Variants in PRSS12 observed in about 807,000 individuals in gnomAD.
PRSS12 encodes serine protease 12.
PRSS12 carries 85 observed loss-of-function variants against 104.4 expected under a neutral mutation model. That is an observed-to-expected ratio of 0.81 (90% confidence interval 0.68 to 0.98). The LOEUF (loss-of-function observed/expected upper bound fraction) is 0.98. Ranked by LOEUF, PRSS12 falls within the 50% of genes least tolerant of loss-of-function variation. PRSS12 has a pLI of 0.00. For synonymous variants in PRSS12, 454 were observed against 425.2 expected (o/e 1.07, Z -0.83); for missense variants, 1,141 against 1,139.2 (o/e 1.00, Z -0.02).
intron 9 of PRSS12, among the ~76,000 whole-genome samples, chr4:118,298,205 T>A (rs1195116710): frequency 6.6e-6 from 1 of 151,962 alleles, no homozygotes; most frequent in African/African-American, 2.4e-5. Flanking sequence ...ATTTAAAGTA[T>A]GAAACATTAC....
intron 10 of PRSS12, 85 bp downstream of exon 10, chr4:118,295,693 T>C: frequency 8.0e-7 from 1 of 1,246,254 alleles, no homozygotes; most frequent in Non-Finnish European, 1.2e-6. Context: ...AAGTCCCTTA[T>C]ATAACAGAAC....
At chr4:118,344,064 T>C (rs1724288489) in intron 1 of PRSS12, among the ~76,000 whole-genome samples, 1 of 152,196 alleles carries the variant, frequency 6.6e-6, no homozygotes, top group Non-Finnish European at 1.5e-5. Context: ...AAAGAATGCA[T>C]ACTGGCAACA....
At position 118,352,879 on chromosome 4, in the gene PRSS12, C is replaced by T; in HGVS notation, c.-159G>A. Reference sequence around the variant, plus strand: ...CCCTCGCCTCCCCAACCTTGCCTCCCGCCGCTGGTGCCCTGCCGCGCCTCG... The same window carrying T: ...CCCTCGCCTCCCCAACCTTGCCTCCTGCCGCTGGTGCCCTGCCGCGCCTCG... On this transcript the variant is annotated 5_prime_UTR_variant, in exon 1 of 13. Transcript: ENST00000296498. 7.0e-7 allele frequency: 1 copy of T among 1,421,942 alleles called. No homozygotes were observed. Among genetic ancestry groups the T allele is most frequent in the Non-Finnish European group, 9.2e-7 (1 of 1,090,726 alleles). The allele number at this position is 1,421,942 out of a possible 1,614,324, so 88.1% of individuals were successfully genotyped here. A position where few individuals can be genotyped will look rare whatever the true frequency, so the allele number is the denominator to read the frequency against.
chr4:118,291,779 T>G lies in PRSS12; in HGVS notation c.2039+3160A>C, dbSNP rs1051962089. Among the ~76,000 whole-genome samples the G allele has an allele frequency of 4.4e-4, 67 of 152,160 alleles. 1 individual carries two copies. Among genetic ancestry groups the G allele is most frequent in the African/African-American group, 1.6e-3 (67 of 41,454 alleles). On this transcript the variant is annotated intron_variant, in intron 11 of 12. Transcript: ENST00000296498. ...TCGTCAGTGCTACCCAAGACTGAAT[T>G]AATTTCATGGGCAACCATATTGTAT...
At chr4:118,282,291 A>C in intron 12 of PRSS12, 48 bp from the exon 13 acceptor site, 1 of 1,601,984 alleles carries the variant, frequency 6.2e-7, no homozygotes, top group Non-Finnish European at 8.6e-7. Flanking sequence ...TAACCATCGC[A>C]ACATTTAACA....
intron 4 of PRSS12, among the ~76,000 whole-genome samples, chr4:118,324,729 T>C (rs971869780): frequency 1.3e-5 from 2 of 152,192 alleles, no homozygotes; most frequent in Non-Finnish European, 2.9e-5. Context: ...TTGCTTTTGT[T>C]TTTTGAAGAC....
intron 7 of PRSS12, among the ~76,000 whole-genome samples, chr4:118,311,748 C>T (rs754051736): frequency 1.3e-5 from 2 of 152,066 alleles, no homozygotes; most frequent in African/African-American, 4.8e-5. Flanking sequence ...AAAAATACAT[C>T]TAGAGTCCTA....
intron 7 of PRSS12, among the ~76,000 whole-genome samples, chr4:118,310,283 A>G (rs890105928): frequency 5.9e-5 from 9 of 152,170 alleles, no homozygotes; most frequent in Non-Finnish European, 1.0e-4. Context: ...AAACATTTGC[A>G]CATGAAATTA....
At chr4:118,352,143 G>A (rs1317167926) in intron 1 of PRSS12, 76 bp downstream of exon 1, 3 of 1,579,452 alleles carry the variant, frequency 1.9e-6, no homozygotes, top group Non-Finnish European at 2.6e-6. Context: ...TTTTCCAAGA[G>A]ACCTGTACGC....
Position 118,352,764 on chromosome 4 carries a change from G to A in PRSS12, c.-44C>T, listed in dbSNP as rs750632461. ...TCTGGTCCATGCTCCCCAGCTTCTC[G>A]GGCTTGGAGCGGAGAAGAGGAGGGG... On this transcript the variant is annotated 5_prime_UTR_variant, in exon 1 of 13. Coordinates refer to ENST00000296498, the MANE Select transcript of PRSS12 (RefSeq NM_003619.4). The A allele has an allele frequency of 2.5e-6, 4 of 1,608,908 alleles. No individual in the cohort carries two copies. The South Asian group carries it at 3.3e-5, about 13-fold the overall frequency.
Position 118,308,547 on chromosome 4 carries a change from T to C in PRSS12, c.1520A>G (p.Asn507Ser). The C allele has an allele frequency of 6.2e-7, 1 of 1,614,064 alleles. No individual in the cohort carries two copies. Among genetic ancestry groups the C allele is most frequent in the Non-Finnish European group, 8.5e-7 (1 of 1,179,964 alleles). The change falls in exon 8 of 13, where the codon AAT becomes AGT. Residue 507 changes from asparagine to serine, a missense_variant. Coordinates refer to ENST00000296498, the MANE Select transcript of PRSS12 (RefSeq NM_003619.4). ...GFPVRLMDGE[N>S]KKEGRVEVFI... ...AACCTCCACTCGTCCTTCTTTCTTA[T>C]TTTCTCCATCCATCAGTCTGACAGG...
intron 1 of PRSS12, among the ~76,000 whole-genome samples, chr4:118,349,877 C>T (rs941410363): frequency 4.6e-5 from 7 of 152,078 alleles, no homozygotes; most frequent in African/African-American, 1.4e-4. Flanking sequence ...GTGGCAGGTG[C>T]CTGTAATCCC....
At chr4:118,284,251 G>A (rs933484297) in intron 11 of PRSS12, among the ~76,000 whole-genome samples, 1 of 152,096 alleles carries the variant, frequency 6.6e-6, no homozygotes, top group African/African-American at 2.4e-5. Flanking sequence ...CCCCAGTTGC[G>A]ATTACCAAAA....
intron 4 of PRSS12, among the ~76,000 whole-genome samples, chr4:118,321,540 T>C (rs1423510934): frequency 2.0e-5 from 3 of 152,196 alleles, no homozygotes; most frequent in Non-Finnish European, 4.4e-5. Flanking sequence ...TGATAACGGC[T>C]AACTTGCAGG....
Position 118,281,795 on chromosome 4 carries a change from C to T in PRSS12, c.*141G>A. 1 of 681,358 alleles carries T rather than the reference C, an allele frequency of 1.5e-6. No homozygotes were observed. Among genetic ancestry groups the T allele is most frequent in the East Asian group, 2.7e-5 (1 of 37,552 alleles). 42.2% of individuals were successfully genotyped at this position (681,358 alleles called of 1,614,324 possible). A position where few individuals can be genotyped will look rare whatever the true frequency, so the allele number is the denominator to read the frequency against. On this transcript the variant is annotated 3_prime_UTR_variant, in exon 13 of 13. Coordinates refer to ENST00000296498, the MANE Select transcript of PRSS12 (RefSeq NM_003619.4). ...AAAATGTTCACAAATTTCTCAAAAG[C>T]AGCAGGGGGTACACAATTTTTTACC...
chr4:118,329,981 C>T (rs552926066), intron 4 of PRSS12, among the ~76,000 whole-genome samples: 20 of 152,080 alleles, frequency 1.3e-4, no homozygotes, highest in Non-Finnish European at 2.6e-4. Flanking sequence ...GTCTCATAAA[C>T]GTACTTGTTA....
chr4:118,346,481 T>G (rs1235240466), intron 1 of PRSS12, among the ~76,000 whole-genome samples: 1 of 150,136 alleles, frequency 6.7e-6, no homozygotes. Flanking sequence ...TATATAATAT[T>G]TACAATAATT....
intron 1 of PRSS12, among the ~76,000 whole-genome samples, chr4:118,343,300 C>A (rs796714431): frequency 6.6e-6 from 1 of 151,796 alleles, no homozygotes; most frequent in African/African-American, 2.4e-5. Context: ...GCTACTAAGG[C>A]GGAAGGATTG....
In PRSS12 at chr4:118,282,839, C is replaced by A; in HGVS notation, c.2312G>T (p.Gly771Val). The A allele has an allele frequency of 6.2e-7, 1 of 1,614,168 alleles. No homozygotes were observed. Among genetic ancestry groups the A allele is most frequent in the Non-Finnish European group, 8.5e-7 (1 of 1,180,038 alleles). Residue 771 changes from glycine to valine, a missense_variant, in exon 12 of 13, where the codon GGT becomes GTT. Transcript: ENST00000296498. ...TTTTGATTATGCCTTACCTGTGTCACCCCATCCTGTTATGTAACAGTTGGA... is the reference window on the plus strand; with the variant it reads ...TTTTGATTATGCCTTACCTGTGTCAACCCATCCTGTTATGTAACAGTTGGA... ...TASNCYITGW[G>V]DTGRAYSRTL...
Sources: gnomAD v4.1 joint callset for allele counts (sites outside exome capture counted in the v4.1 genomes callset) on GRCh38, gnomAD v4.1.1 for gene constraint, MANE v1.5 for transcripts, NCBI Gene and HGNC (gene_info 2026-07-23, HGNC 2026-07-21) for gene names.